The following SIX5 variants were observed in gnomAD, a reference collection of about 807,000 sequenced individuals.
SIX5 encodes SIX homeobox 5.
SIX5 carries 21 observed loss-of-function variants against 37.1 expected under a neutral mutation model. The ratio of observed to expected loss-of-function variants is 0.57; its 90% CI spans 0.40 to 0.81. The LOEUF (loss-of-function observed/expected upper bound fraction) is 0.81, where lower values mean the gene tolerates loss of function less well. Ranked by LOEUF, SIX5 falls within the 40% of genes least tolerant of loss-of-function variation. The probability of loss-of-function intolerance (pLI) is 0.00; values close to 1 mark genes in which losing one functional copy is unlikely to be tolerated. For synonymous variants in SIX5, 626 were observed against 505.9 expected (o/e 1.24, Z -3.19); for missense variants, 1,137 against 1,025.1 (o/e 1.11, Z -1.49).
chr19:45,767,957 G>A, intron 1 of SIX5, 85 bp downstream of exon 1: 2 of 1,374,950 alleles, frequency 1.5e-6, no homozygotes, highest in Non-Finnish European at 2.0e-6. Flanking sequence ...CGGCGCGCCG[G>A]CCCCAGCAGT....
Position 45,768,766 on chromosome 19 carries a change from C to T in SIX5, c.79G>A (p.Glu27Lys). Residue 27 changes from glutamate (E) to lysine (K), a missense_variant, in exon 1 of 3, where the codon GAG (glutamate) becomes AAG (lysine). This residue lies in a region of SIX5 where 331 missense variants were observed against 360.9 expected (regional missense o/e 0.92). Coordinates refer to ENST00000317578, the MANE Select transcript of SIX5 (RefSeq NM_175875.5). ...AGCTGGCGCGCTTCCTCCTCCTCCT[C>T]TTCGGTCGCCGCCGCCGCCGCCACC... ...EAVAAAAATEEEEEEARQLLQ... is the reference protein window; with the variant it reads ...EAVAAAAATEKEEEEARQLLQ... 1 of 1,528,020 alleles carries T rather than the reference C, an allele frequency of 6.5e-7. No individual in the cohort carries two copies. The highest frequency in any genetic ancestry group is 8.7e-7 in the Non-Finnish European group (1 of 1,143,454). The allele number at this position is 1,528,020 out of a possible 1,614,324, so 94.7% of individuals were successfully genotyped here.
In SIX5 at chr19:45,768,265, G is replaced by A. The variant is rs769256093; in HGVS notation, c.580C>T (p.Leu194=). ...TCGCCGTCCCAGATGGTCTTGGGCAGCGGGAACTTCTTGCGCAGTCGATAC... is the reference window on the plus strand; with the variant it reads ...TCGCCGTCCCAGATGGTCTTGGGCAACGGGAACTTCTTGCGCAGTCGATAC... The part of the protein sequence containing the change: ...DKYRLRKKFP[L]PKTIWDGEET... Residue 194 remains leucine (L), a synonymous_variant, in exon 1 of 3, where the codon CTG becomes TTG. Coordinates refer to ENST00000317578, the MANE Select transcript of SIX5 (RefSeq NM_175875.5). 3 of 1,612,892 alleles carry A rather than the reference G, an allele frequency of 1.9e-6. No homozygotes were observed. The South Asian group carries it at 3.3e-5, about 18-fold the overall frequency.
Position 45,765,287 on chromosome 19 carries a change from C to G in SIX5, c.*214G>C, listed in dbSNP as rs538018125. On this transcript the variant is annotated 3_prime_UTR_variant, in exon 3 of 3. Coordinates refer to ENST00000317578, the MANE Select transcript of SIX5 (RefSeq NM_175875.5). ...GGGCACAGCATGGGGAGGGCTGTAACAGAGAGGCCTCCCATCCAAAGGGGG... is the reference window on the plus strand; with the variant it reads ...GGGCACAGCATGGGGAGGGCTGTAAGAGAGAGGCCTCCCATCCAAAGGGGG... 51 of 690,654 alleles carry G rather than the reference C, an allele frequency of 7.4e-5. 2 individuals are homozygous for G. The East Asian group carries it at 1.3e-3, about 18-fold the overall frequency. 42.8% of individuals were successfully genotyped at this position (690,654 alleles called of 1,614,324 possible). A position where few individuals can be genotyped will look rare whatever the true frequency, so the allele number is the denominator to read the frequency against.
rs1969057144 is a variant in SIX5 at position 45,765,781 on chromosome 19, A to C, written c.1940T>G (p.Phe647Cys). The C allele has an allele frequency of 6.2e-7, 1 of 1,607,532 alleles. No homozygotes were observed. The highest frequency in any genetic ancestry group is 1.3e-5 in the African/African-American group (1 of 74,986). The change falls in exon 3 of 3, where the codon TTC becomes TGC. Residue 647 changes from phenylalanine to cysteine, a missense_variant. Coordinates refer to ENST00000317578, the MANE Select transcript of SIX5 (RefSeq NM_175875.5). ...CAGCCCCTCTGGTGGGGGCGCCGGGAAGTTGGGCAGGAGGCCAGGGGAGTC... is the reference window on the plus strand; with the variant it reads ...CAGCCCCTCTGGTGGGGGCGCCGGGCAGTTGGGCAGGAGGCCAGGGGAGTC... ...SPDSPGLLPN[F>C]PAPPPEGLML... is the part of the protein sequence containing the mutation.
chr19:45,765,718 C>T lies in SIX5; in HGVS notation c.2003G>A (p.Gly668Glu), dbSNP rs1202539102. 5 of 1,612,788 alleles carry T rather than the reference C, an allele frequency of 3.1e-6. No individual in the cohort carries two copies. Among genetic ancestry groups the T allele is most frequent in the East Asian group, 4.5e-5 (2 of 44,896 alleles). ...SPAAVPVWSA[G>E]LELSAGTEGL... ...CTCTGTTCCTGCGCTTAGTTCCAGC[C>T]CTGCTGACCAGACAGGCACGGCCGC... Residue 668 changes from glycine to glutamate, a missense_variant, in exon 3 of 3, where the codon GGG becomes GAG. Coordinates refer to ENST00000317578, the MANE Select transcript of SIX5 (RefSeq NM_175875.5).
In SIX5 at chr19:45,765,994, A is replaced by T; in HGVS notation, c.1727T>A (p.Val576Asp). The T allele has an allele frequency of 6.2e-7, 1 of 1,600,322 alleles. No individual in the cohort carries two copies. Among genetic ancestry groups the T allele is most frequent in the Non-Finnish European group, 8.5e-7 (1 of 1,174,350 alleles). The change falls in exon 3 of 3, where the codon GTC becomes GAC. Residue 576 changes from valine to aspartate, a missense_variant. Transcript: ENST00000317578. ...GGCCAGGCCGGGGGCTGGCGGCAGG[A>T]CCTGGGAGACGAGCATGCTGGTGGG... is the stretch of plus-strand genomic sequence containing the variant. ...TFPTSMLVSQ[V>D]LPPAPGLALP...
chr19:45,768,910 C>G lies in SIX5; in HGVS notation c.-66G>C. 7.2e-7 allele frequency: 1 copy of G among 1,380,500 alleles called. No homozygotes were observed. Among genetic ancestry groups the G allele is most frequent in the Non-Finnish European group, 9.7e-7 (1 of 1,026,930 alleles). 85.5% of individuals were successfully genotyped at this position (1,380,500 alleles called of 1,614,324 possible). On this transcript the variant is annotated 5_prime_UTR_variant, in exon 1 of 3. Coordinates refer to ENST00000317578, the MANE Select transcript of SIX5 (RefSeq NM_175875.5). ...CCCTCGGGCTTTCCCCAGCCTCCTC[C>G]CCCACCTGTCCCCCCTTTTCGCCCC...
Position 45,768,305 on chromosome 19 carries a change from A to G in SIX5, c.540T>C (p.Leu180=). The change falls in exon 1 of 3, where the codon CTT becomes CTC. Residue 180 remains leucine (L), a synonymous_variant. Transcript: ENST00000317578. ...HEAERARGRA[L]GAVDKYRLRK... is the part of the protein sequence containing the mutation. ...GCAGTCGATACTTGTCCACTGCGCC[A>G]AGCGCGCGGCCGCGGGCCCGCTCGG... is the stretch of plus-strand genomic sequence containing the variant. The G allele has an allele frequency of 6.2e-7, 1 of 1,610,670 alleles. No homozygotes were observed. Among genetic ancestry groups the G allele is most frequent in the Non-Finnish European group, 8.5e-7 (1 of 1,178,884 alleles).
intron 2 of SIX5, 77 bp from the exon 3 acceptor site, chr19:45,766,188 G>A (rs572284452): frequency 1.9e-6 from 3 of 1,543,726 alleles, no homozygotes; most frequent in Middle Eastern, 2.0e-4. Context: ...AGACTGTGCA[G>A]CTGGAGGGCG....
In SIX5 at chr19:45,768,772, T is replaced by C. The variant is rs1568566351; in HGVS notation, c.73A>G (p.Thr25Ala). 1 of 1,526,136 alleles carries C rather than the reference T, an allele frequency of 6.6e-7. No homozygotes were observed. Among genetic ancestry groups the C allele is most frequent in the East Asian group, 2.5e-5 (1 of 40,350 alleles). 94.5% of individuals were successfully genotyped at this position (1,526,136 alleles called of 1,614,324 possible). ...CGCGCTTCCTCCTCCTCCTCTTCGG[T>C]CGCCGCCGCCGCCGCCACCGCCTCC... Reference protein sequence around the residue: ...GGEAVAAAAATEEEEEEARQL... With the variant: ...GGEAVAAAAAAEEEEEEARQL... Residue 25 changes from threonine to alanine, a missense_variant, in exon 1 of 3, where the codon ACC becomes GCC. Physicochemically the swap from Thr to Ala is moderately conservative, Grantham distance 58. This residue lies in a region of SIX5 where 331 missense variants were observed against 360.9 expected (regional missense o/e 0.92). Coordinates refer to ENST00000317578, the MANE Select transcript of SIX5 (RefSeq NM_175875.5).
In SIX5 at chr19:45,766,855, A is replaced by C; in HGVS notation, c.1104T>G (p.Pro368=). Reference sequence around the variant, plus strand: ...CCCCCTGAGGGCTGGGCTGCGGTGGAGGGGCACCCCCGCCCCCAGTGAGCA... The same window carrying C: ...CCCCCTGAGGGCTGGGCTGCGGTGGCGGGGCACCCCCGCCCCCAGTGAGCA... The part of the protein sequence containing the change: ...PLLLTGGGGA[P]PPQPSPQGAS... Residue 368 remains proline (P), a synonymous_variant, in exon 2 of 3, where the codon CCT becomes CCG. Coordinates refer to ENST00000317578, the MANE Select transcript of SIX5 (RefSeq NM_175875.5). The C allele has an allele frequency of 6.5e-7, 1 of 1,542,384 alleles. No homozygotes were observed. Among genetic ancestry groups the C allele is most frequent in the Non-Finnish European group, 8.7e-7 (1 of 1,146,296 alleles).
chr19:45,767,120 G>C lies in SIX5; in HGVS notation c.839C>G (p.Ser280Cys), dbSNP rs752052655. The C allele has an allele frequency of 3.1e-6, 5 of 1,612,362 alleles. No individual in the cohort carries two copies. In the East Asian group the frequency reaches 1.1e-4, roughly 36 times the overall value. ...CTCCAGGTCCTCAGGACTTCGGCTG[G>C]ACTCGTCCTCAGTCGTGGGATTCCC... ...SDGNPTTEDESSRSPEDLERG... is the reference protein window; with the variant it reads ...SDGNPTTEDECSRSPEDLERG... Residue 280 changes from serine (S) to cysteine (C), a missense_variant, in exon 2 of 3, where the codon TCC becomes TGC. Around this residue, in one of 3 missense-constraint regions of SIX5, gnomAD observed 787 missense variants for 621.4 expected, o/e 1.27. Coordinates refer to ENST00000317578, the MANE Select transcript of SIX5 (RefSeq NM_175875.5).
Position 45,768,233 on chromosome 19 carries a change from T to G in SIX5, c.612A>C (p.Thr204=). ...GGGAGCGCTCCTTGAAGCAGTAGAC[T>G]GTCTCCTCGCCGTCCCAGATGGTCT... is the stretch of plus-strand genomic sequence containing the variant. ...LPKTIWDGEE[T]VYCFKERSRA... Residue 204 remains threonine, a synonymous_variant, in exon 1 of 3, where the codon ACA becomes ACC. Transcript: ENST00000317578. 6.2e-7 allele frequency: 1 copy of G among 1,613,178 alleles called. No homozygotes were observed. Among genetic ancestry groups the G allele is most frequent in the Non-Finnish European group, 8.5e-7 (1 of 1,179,706 alleles).
chr19:45,766,333 G>A lies in SIX5; in HGVS notation c.1609+17C>T. The A allele has an allele frequency of 6.4e-7, 1 of 1,568,536 alleles. No individual in the cohort carries two copies. Among genetic ancestry groups the A allele is most frequent in the Non-Finnish European group, 8.6e-7 (1 of 1,158,096 alleles). On this transcript the variant is annotated intron_variant, in intron 2 of 2. Transcript: ENST00000317578. ...CCCCGGCTCTCACCTAGGCCTGAGG[G>A]AGGGAGATGGGGGTACCTGGGGCAG...
rs1969056159 is a variant in SIX5 at position 45,765,752 on chromosome 19, ACAT to A, written c.1966_1968del (p.Met656del). 1.2e-6 allele frequency: 2 copies of A among 1,611,102 alleles called. No individual in the cohort carries two copies. The highest frequency in any genetic ancestry group is 1.1e-5 in the South Asian group (1 of 91,088). On this transcript the variant is annotated inframe_deletion, in exon 3 of 3. Transcript: ENST00000317578. ...CAGACAGGCACGGCCGCGGGTGACA[ACAT>A]CAGCCCCTCTGGTGGGGGCGCCGGG...
chr19:45,767,266 C>G, intron 1 of SIX5, 111 bp from the exon 2 acceptor site: 1 of 1,174,494 alleles, frequency 8.5e-7, no homozygotes, highest in Non-Finnish European at 1.2e-6. Context: ...TGGATCATTC[C>G]AGGGGTTATG....
rs781190663 is a variant in SIX5 at position 45,765,653 on chromosome 19, G to A, written c.2068C>T (p.Pro690Ser). 20 of 1,612,590 alleles carry A rather than the reference G, an allele frequency of 1.2e-5. No homozygotes were observed. The highest frequency in any genetic ancestry group is 1.7e-5 in the Non-Finnish European group (20 of 1,179,560). The change falls in exon 3 of 3, where the codon CCC becomes TCC. Residue 690 changes from proline to serine, a missense_variant. Pro to Ser is a moderately conservative substitution (Grantham distance 74). Coordinates refer to ENST00000317578, the MANE Select transcript of SIX5 (RefSeq NM_175875.5). The part of the protein sequence containing the change: ...EAEKGLGTQA[P>S]HTVLRLPDPD... Reference sequence around the variant, plus strand: ...TCTGGCAGCCTCAGCACGGTGTGGGGGGCCTGTGTCCCCAGCCCCTTTTCC... The same window carrying A: ...TCTGGCAGCCTCAGCACGGTGTGGGAGGCCTGTGTCCCCAGCCCCTTTTCC...
chr19:45,765,509 C>G lies in SIX5; in HGVS notation c.2212G>C (p.Glu738Gln), dbSNP rs749538558. 71 of 1,613,298 alleles carry G rather than the reference C, an allele frequency of 4.4e-5. No individual in the cohort carries two copies. Among genetic ancestry groups the G allele is most frequent in the Non-Finnish European group, 1.8e-5 (21 of 1,180,034 alleles). Reference sequence around the variant, plus strand: ...CACGGGGCCACACTGGGTCACAGTTCCAAGGGCTCCTCCACAGGCACCGAC... The same window carrying G: ...CACGGGGCCACACTGGGTCACAGTTGCAAGGGCTCCTCCACAGGCACCGAC... The part of the protein sequence containing the change: ...LQSVPVEEPL[E>Q]L Residue 738 changes from glutamate to glutamine, a missense_variant, in exon 3 of 3, where the codon GAA becomes CAA. By Grantham distance (29) the Glu-to-Gln change is conservative. Around this residue, in one of 3 missense-constraint regions of SIX5, gnomAD observed 787 missense variants for 621.4 expected, o/e 1.27. Transcript: ENST00000317578.
Position 45,768,485 on chromosome 19 carries a change from T to A in SIX5, c.360A>T (p.Leu120=). Residue 120 remains leucine (L), a synonymous_variant, in exon 1 of 3, where the codon CTA becomes CTT. Coordinates refer to ENST00000317578, the MANE Select transcript of SIX5 (RefSeq NM_175875.5). ...CGCGCAACACCGGGTCGCTGCCACG[T>A]AGGCGCTCGGCCGGGGGCAGTGCGC... is the stretch of plus-strand genomic sequence containing the variant. ...FLGALPPAER[L]RGSDPVLRAR... 1 of 1,523,166 alleles carries A rather than the reference T, an allele frequency of 6.6e-7. No homozygotes were observed. The highest frequency in any genetic ancestry group is 1.2e-5 in the South Asian group (1 of 83,060). The allele number at this position is 1,523,166 out of a possible 1,614,324, so 94.4% of individuals were successfully genotyped here.
Sources: gnomAD v4.1 joint callset for allele counts on GRCh38, gnomAD v4.1.1 for gene constraint, gnomAD v4.1.1 regional missense constraint, MANE v1.5 for transcripts, NCBI Gene and HGNC (gene_info 2026-07-23, HGNC 2026-07-21) for gene names.